Variants in GABRA1 observed in about 807,000 individuals in gnomAD.
The protein encoded by GABRA1 is gamma-aminobutyric acid type A receptor subunit alpha1.
A neutral mutation model predicts 48.9 loss-of-function variants in GABRA1; 9 were observed. The observed-to-expected ratio is 0.18, with a 90% CI of 0.11 to 0.32. The LOEUF is 0.32. Ranked by LOEUF, GABRA1 falls within the 10% of genes least tolerant of loss-of-function variation. The pLI, the probability that GABRA1 is intolerant of heterozygous loss-of-function variation, is 1.00. For missense variants in GABRA1, 285 were observed against 553.8 expected (o/e 0.51, Z 4.87); for synonymous variants, 210 against 198.7 (o/e 1.06, Z -0.48).
At chr5:161,893,592 T>C (rs186205108) in intron 8 of GABRA1, among the ~76,000 whole-genome samples, 1 of 152,324 alleles carries the variant, frequency 6.6e-6, no homozygotes, top group East Asian at 1.9e-4. Context: ...GGTTGCAGTC[T>C]ATCTTGTGCC....
At chr5:161,870,651 AAAAG>A (rs1754073783) in intron 4 of GABRA1, among the ~76,000 whole-genome samples, 1 of 151,984 alleles carries the variant, frequency 6.6e-6, no homozygotes, top group Admixed American at 6.6e-5. Context: ...GAAAGAAAGA[AAAAG>A]AAAGAAAAAA....
chr5:161,864,703 C>G (rs889414450), intron 3 of GABRA1, among the ~76,000 whole-genome samples: 2 of 151,790 alleles, frequency 1.3e-5, no homozygotes, highest in African/African-American at 2.4e-5. Context: ...GACTTATTAA[C>G]TCTTTAAGGA....
chr5:161,868,537 C>T (rs1273522092), intron 4 of GABRA1, among the ~76,000 whole-genome samples: 1 of 151,940 alleles, frequency 6.6e-6, no homozygotes, highest in East Asian at 1.9e-4. Flanking sequence ...TTGATGAAAA[C>T]ATCAAGAGAG....
intron 3 of GABRA1, among the ~76,000 whole-genome samples, chr5:161,864,745 C>T (rs963389686): frequency 6.6e-6 from 1 of 151,406 alleles, no homozygotes. Context: ...TGTTTGTTTT[C>T]TTGCATTAAA....
intron 4 of GABRA1, among the ~76,000 whole-genome samples, chr5:161,866,627 C>A (rs1753865100): frequency 6.6e-6 from 1 of 152,050 alleles, no homozygotes; most frequent in Non-Finnish European, 1.5e-5. Flanking sequence ...CTTACAGAAA[C>A]TATGAATGGC....
chr5:161,851,390 A>G (rs551529999), intron 2 of GABRA1, among the ~76,000 whole-genome samples: 1 of 152,182 alleles, frequency 6.6e-6, no homozygotes, highest in Non-Finnish European at 1.5e-5. Flanking sequence ...ATAACTAATA[A>G]AAGTGGACTA....
At chr5:161,857,814 T>C (rs1757707812) in intron 3 of GABRA1, among the ~76,000 whole-genome samples, 1 of 151,578 alleles carries the variant, frequency 6.6e-6, no homozygotes, top group African/African-American at 2.4e-5. Flanking sequence ...TTCATTCTTG[T>C]CCATAATCAC....
intron 4 of GABRA1, among the ~76,000 whole-genome samples, chr5:161,868,541 A>G (rs1753974241): frequency 1.3e-5 from 2 of 152,130 alleles, no homozygotes; most frequent in African/African-American, 4.8e-5. Flanking sequence ...TGAAAACATC[A>G]AGAGAGGGCA....
At chr5:161,891,141 T>A (rs1269831053) in intron 8 of GABRA1, 91 bp downstream of exon 8, 1 of 1,160,340 alleles carries the variant, frequency 8.6e-7, no homozygotes, top group East Asian at 2.3e-5. Flanking sequence ...TAAAAAAAAA[T>A]ATACACTCAA....
chr5:161,893,828 A>G (rs911696510), intron 8 of GABRA1, among the ~76,000 whole-genome samples: 1 of 152,226 alleles, frequency 6.6e-6, no homozygotes, highest in Non-Finnish European at 1.5e-5. Flanking sequence ...CAAATAAAAA[A>G]AATATACATT....
chr5:161,895,823 T>C lies in GABRA1; in HGVS notation c.1014T>C (p.Thr338=), dbSNP rs1755339780. Residue 338 remains threonine, a synonymous_variant, in exon 9 of 10, where the codon ACT becomes ACC. Transcript: ENST00000393943. ...AGTTTGCCACAGTAAACTATTTCAC[T>C]AAGAGAGGTTATGCATGGGATGGCA... ...LIEFATVNYF[T]KRGYAWDGKS... is the part of the protein sequence containing the mutation. 1.9e-6 allele frequency: 3 copies of C among 1,614,040 alleles called. No individual in the cohort carries two copies. Among genetic ancestry groups the C allele is most frequent in the South Asian group, 2.2e-5 (2 of 91,078 alleles).
chr5:161,863,807 C>T (rs1036302124), intron 3 of GABRA1, among the ~76,000 whole-genome samples: 2 of 151,658 alleles, frequency 1.3e-5, no homozygotes, highest in African/African-American at 2.4e-5. Flanking sequence ...TCAAGCGTAC[C>T]CTACAGCTTT....
chr5:161,856,656 G>C (rs1757657149), intron 3 of GABRA1, among the ~76,000 whole-genome samples: 1 of 150,766 alleles, frequency 6.6e-6, no homozygotes, highest in Non-Finnish European at 1.5e-5. Flanking sequence ...AAAAAACTTT[G>C]ATACTGATTA....
At chr5:161,890,807 T>A in intron 7 of GABRA1, 91 bp from the exon 8 acceptor site, 1 of 1,182,716 alleles carries the variant, frequency 8.5e-7, no homozygotes, top group Non-Finnish European at 1.3e-6. Flanking sequence ...ATGTGTCTAA[T>A]TCCCAGACCT....
intron 1 of GABRA1, 87 bp downstream of exon 1, chr5:161,848,509 G>GA (rs1037190663): frequency 1.1e-5 from 1 of 92,132 alleles, no homozygotes; most frequent in African/African-American, 5.1e-5. Context: ...TATAGTCGGG[G>GA]GGGGGGGGCG....
intron 7 of GABRA1, 76 bp from the exon 8 acceptor site, chr5:161,890,822 T>C (rs1755056438): frequency 1.5e-6 from 2 of 1,304,244 alleles, no homozygotes; most frequent in Admixed American, 3.4e-5. Flanking sequence ...AGACCTTTGG[T>C]ACTCATAGTA....
intron 1 of GABRA1, among the ~76,000 whole-genome samples, chr5:161,849,797 T>C (rs539761160): frequency 8.5e-5 from 13 of 152,316 alleles, no homozygotes; most frequent in Admixed American, 8.5e-4. Flanking sequence ...CTTATCCAGG[T>C]AGTGCATTGA....
chr5:161,876,669 G>A (rs1203353212), intron 6 of GABRA1, among the ~76,000 whole-genome samples: 1 of 152,054 alleles, frequency 6.6e-6, no homozygotes, highest in African/African-American at 2.4e-5. Context: ...AAAACTCTAG[G>A]TTAAACAGAC....
chr5:161,851,112 C>T (rs1757430069), intron 2 of GABRA1, among the ~76,000 whole-genome samples: 1 of 152,096 alleles, frequency 6.6e-6, no homozygotes, highest in Admixed American at 6.6e-5. Context: ...TGTATTAATT[C>T]AACATTTAAG....
Sources: allele counts gnomAD v4.1 joint callset (sites outside exome capture counted in the v4.1 genomes callset), GRCh38; gene constraint gnomAD v4.1.1; transcripts MANE v1.5; gene names NCBI Gene and HGNC (gene_info 2026-07-23, HGNC 2026-07-21).